CD302: variants seen among roughly 807,000 people sequenced by gnomAD.
CD302 encodes the protein CD302 molecule.
CD302 carries 23 observed loss-of-function variants against 26.5 expected under a neutral mutation model. The ratio of observed to expected loss-of-function variants is 0.87; its 90% CI spans 0.62 to 1.23. The LOEUF (loss-of-function observed/expected upper bound fraction) is 1.23, where lower values mean the gene tolerates loss of function less well. Ranked by LOEUF, CD302 falls within the 50% of genes most tolerant of loss-of-function variation. The pLI is 0.00. For synonymous variants in CD302, 90 were observed against 99.4 expected (o/e 0.91, Z 0.56); for missense variants, 290 against 275.5 (o/e 1.05, Z -0.37).
intron 5 of CD302, among the ~76,000 whole-genome samples, chr2:159,773,371 T>A (rs1164073487): frequency 6.6e-6 from 1 of 152,220 alleles, no homozygotes. Flanking sequence ...ACCTCAACTT[T>A]ACCAGTGTGA....
chr2:159,772,110 A>G (rs1708167031), intron 5 of CD302, 57 bp from the exon 6 acceptor site: 4 of 1,562,390 alleles, frequency 2.6e-6, no homozygotes, highest in African/African-American at 1.4e-5. Flanking sequence ...AGTTGCAAGT[A>G]TATTTTGATG....
At chr2:159,789,526 C>T (rs1708752422) in intron 1 of CD302, among the ~76,000 whole-genome samples, 1 of 150,264 alleles carries the variant, frequency 6.7e-6, no homozygotes, top group Admixed American at 6.6e-5. Flanking sequence ...TCTCTACTCT[C>T]CTACCCTGCA....
chr2:159,781,995 G>A (rs1341178271), intron 2 of CD302, among the ~76,000 whole-genome samples: 1 of 152,140 alleles, frequency 6.6e-6, no homozygotes, highest in East Asian at 1.9e-4. Context: ...GGCTGGGCAT[G>A]GTGGCTCACA....
At chr2:159,773,315 C>T (rs1045274374) in intron 5 of CD302, among the ~76,000 whole-genome samples, 8 of 152,142 alleles carry the variant, frequency 5.3e-5, no homozygotes, top group Admixed American at 2.6e-4. Flanking sequence ...TGCCCAGCCC[C>T]GTAGTTAGTT....
At chr2:159,794,677 T>C (rs2125817372) in intron 1 of CD302, among the ~76,000 whole-genome samples, 1 of 151,634 alleles carries the variant, frequency 6.6e-6, no homozygotes, top group East Asian at 2.0e-4. Flanking sequence ...GCCTCCTGAG[T>C]AGCTGGGACC....
chr2:159,795,078 C>G (rs1346670356), intron 1 of CD302, among the ~76,000 whole-genome samples: 1 of 151,286 alleles, frequency 6.6e-6, no homozygotes, highest in Non-Finnish European at 1.5e-5. Context: ...CAAAAGTTAG[C>G]CAGGCATGGT....
At chr2:159,773,303 C>T (rs537765445) in intron 5 of CD302, among the ~76,000 whole-genome samples, 6 of 152,296 alleles carry the variant, frequency 3.9e-5, no homozygotes, top group Admixed American at 2.6e-4. Context: ...TGTGGGCCAC[C>T]GTGCCCAGCC....
At chr2:159,783,564 C>A in intron 1 of CD302, 95 bp from the exon 2 acceptor site, 1 of 909,870 alleles carries the variant, frequency 1.1e-6, no homozygotes, top group South Asian at 2.4e-5. Flanking sequence ...AATTTTCACA[C>A]ACACACAAAG....
chr2:159,794,521 AATTTATTT>A (rs201764086), intron 1 of CD302, among the ~76,000 whole-genome samples: 12 of 25,024 alleles, frequency 4.8e-4, no homozygotes, highest in Admixed American at 7.0e-4. Flanking sequence ...AAAATTAATT[AATTTATTT>A]ATTTATTTAT....
intron 1 of CD302, among the ~76,000 whole-genome samples, chr2:159,794,545 T>A (rs11685489): frequency 2.3e-4 from 35 of 149,552 alleles, no homozygotes; most frequent in African/African-American, 8.6e-4. Flanking sequence ...TTTATTTATT[T>A]ATTTATTCAT....
Position 159,792,422 on chromosome 2 carries a change from CTGTG to C in CD302, c.67+5706_67+5709del, listed in dbSNP as rs3138650. On this transcript the variant is annotated intron_variant, in intron 1 of 5. Transcript: ENST00000259053. ...TCTCCAGAGAAACAGAGAACCAACT[CTGTG>C]TGTGTGTGTGTGTGTGTGTGTGTGT... 9.4e-3 allele frequency among the ~76,000 whole-genome samples: 1,359 copies of C among 145,272 alleles called. 18 individuals are homozygous for C. Among genetic ancestry groups the C allele is most frequent in the African/African-American group, 0.027 (1,056 of 39,296 alleles).
At chr2:159,773,261 C>T (rs372283580) in intron 5 of CD302, among the ~76,000 whole-genome samples, 1 of 152,146 alleles carries the variant, frequency 6.6e-6, no homozygotes, top group Non-Finnish European at 1.5e-5. Context: ...TGATCTGCCC[C>T]CCTCGGCCTC....
chr2:159,783,724 T>C (rs1323284846), intron 1 of CD302, among the ~76,000 whole-genome samples: 1 of 152,198 alleles, frequency 6.6e-6, no homozygotes, highest in Non-Finnish European at 1.5e-5. Context: ...TTTAGGTTGT[T>C]TAGGAATTCA....
chr2:159,779,407 T>C (rs1401628702), intron 4 of CD302, among the ~76,000 whole-genome samples: 2 of 152,134 alleles, frequency 1.3e-5, no homozygotes, highest in Non-Finnish European at 2.9e-5. Context: ...ATGATTACTC[T>C]TCACCACTTC....
At chr2:159,796,768 A>C (rs1159207365) in intron 1 of CD302, among the ~76,000 whole-genome samples, 1 of 152,210 alleles carries the variant, frequency 6.6e-6, no homozygotes, top group African/African-American at 2.4e-5. Context: ...AGCTTCACTG[A>C]AGAAGAGACA....
At chr2:159,785,747 T>G (rs1708648723) in intron 1 of CD302, among the ~76,000 whole-genome samples, 1 of 152,200 alleles carries the variant, frequency 6.6e-6, no homozygotes, top group Non-Finnish European at 1.5e-5. Flanking sequence ...TCAAACATTA[T>G]TCTCTGTCTG....
chr2:159,775,461 C>T (rs1047220819), intron 5 of CD302, among the ~76,000 whole-genome samples: 2 of 152,236 alleles, frequency 1.3e-5, no homozygotes, highest in South Asian at 2.1e-4. Context: ...AATACATTTA[C>T]GTAGCTTAAA....
At chr2:159,772,504 C>G (rs1708183094) in intron 5 of CD302, among the ~76,000 whole-genome samples, 1 of 151,996 alleles carries the variant, frequency 6.6e-6, no homozygotes, top group Admixed American at 6.6e-5. Flanking sequence ...CAGTAAAGTA[C>G]CTGGTTTTGT....
intron 1 of CD302, among the ~76,000 whole-genome samples, chr2:159,792,505 G>A (rs1465207491): frequency 6.6e-6 from 1 of 150,916 alleles, no homozygotes; most frequent in Non-Finnish European, 1.5e-5. Flanking sequence ...GGATATTTCA[G>A]GCAAACAGAG....
Sources: gnomAD v4.1 joint callset for allele counts (sites outside exome capture counted in the v4.1 genomes callset) on GRCh38, gnomAD v4.1.1 for gene constraint, MANE v1.5 for transcripts, NCBI Gene and HGNC (gene_info 2026-07-23, HGNC 2026-07-21) for gene names.